The following NCAPD3 variants were observed in gnomAD, a reference collection of about 807,000 sequenced individuals.
NCAPD3 encodes non-SMC condensin II complex subunit D3.
In NCAPD3, 105 loss-of-function variants were observed where a neutral mutation model predicts 182.9. The ratio of observed to expected loss-of-function variants is 0.57; its 90% CI spans 0.49 to 0.68. The LOEUF (loss-of-function observed/expected upper bound fraction) is 0.68, where lower values mean the gene tolerates loss of function less well. Among genes scored for constraint, NCAPD3 ranks in the 30% least tolerant of loss-of-function variants. The pLI is 0.00. For missense variants in NCAPD3, 1,944 were observed against 1,837.0 expected (o/e 1.06, Z -1.07); for synonymous variants, 815 against 679.9 (o/e 1.20, Z -3.09).
At position 134,185,526 on chromosome 11, in the gene NCAPD3, G is replaced by C. The variant is rs1176047203; in HGVS notation, c.2046C>G (p.Ser682Arg). The change falls in exon 17 of 35, where the codon AGC (serine) becomes AGG (arginine). Residue 682 changes from serine (S) to arginine (R), a missense_variant and splice_region_variant. Transcript: ENST00000534548. ...TLLTTESQEL[S>R]RYLNKAFHIW... ...TATGAAAAGCCTTATTTAAATATCG[G>C]CTGGAAAAAAAAAAGATAGAAAAGC... The C allele has an allele frequency of 6.4e-7, 1 of 1,572,018 alleles. No individual in the cohort carries two copies. Among genetic ancestry groups the C allele is most frequent in the African/African-American group, 1.4e-5 (1 of 72,004 alleles).
rs960584649 is a variant in NCAPD3, at chr11:134,204,319, A to C, written c.1090-148T>G. The C allele has an allele frequency of 1.2e-6, 1 of 856,230 alleles. No individual in the cohort carries two copies. The highest frequency in any genetic ancestry group is 1.7e-6 in the Non-Finnish European group (1 of 580,382). 53.0% of individuals were successfully genotyped at this position (856,230 alleles called of 1,614,324 possible). A position where few individuals can be genotyped will look rare whatever the true frequency, so the allele number is the denominator to read the frequency against. On this transcript the variant is annotated intron_variant, in intron 9 of 34. Coordinates refer to ENST00000534548, the MANE Select transcript of NCAPD3 (RefSeq NM_015261.3). The surrounding 1 kb of genome is among the most constrained non-coding windows in gnomAD (Gnocchi z 4.3). ...AAATGACTAATAAATTTTAGGTTTT[A>C]GAACACTTCAAAACTAATCTAAAGG...
chr11:134,180,955 C>A, intron 20 of NCAPD3, 122 bp downstream of exon 20: 6 of 634,532 alleles, frequency 9.5e-6, no homozygotes, highest in Admixed American at 3.1e-5. Flanking sequence ...AGAAAGTAAG[C>A]TCTAGGCTAA....
At chr11:134,201,750 T>C (rs1025494623) in intron 13 of NCAPD3, among the ~76,000 whole-genome samples, 6 of 152,264 alleles carry the variant, frequency 3.9e-5, no homozygotes, top group Non-Finnish European at 8.8e-5. Flanking sequence ...ATCCGTAACC[T>C]GTTTAGACGA....
Position 134,220,523 on chromosome 11 carries a change from C to T in NCAPD3, c.219+49G>A, listed in dbSNP as rs138222594. The T allele has an allele frequency of 7.5e-5, 117 of 1,551,618 alleles. No homozygotes were observed. In the African/African-American group the frequency reaches 1.3e-3, roughly 17 times the overall value. On this transcript the variant is annotated intron_variant, in intron 2 of 34. Coordinates refer to ENST00000534548, the MANE Select transcript of NCAPD3 (RefSeq NM_015261.3). ...TTCAGATTATAATAATGACTTTCAT[C>T]TTCTACTTCTAACACCAAACTTTGG...
intron 24 of NCAPD3, 66 bp from the exon 25 acceptor site, chr11:134,169,120 C>A: frequency 1.3e-6 from 2 of 1,516,254 alleles, no homozygotes; most frequent in South Asian, 2.5e-5. Flanking sequence ...CTGAATACAC[C>A]AAGAACTCTG....
rs734009 is a variant in NCAPD3, at chr11:134,168,630, C to A, written c.3240-28G>T. The stretch of plus-strand genomic sequence containing the variant: ...GTGGCAGAACGGGACAAGTTCACTG[C>A]ATCACATGGGCACGGGTGTAAGGGA... On this transcript the variant is annotated intron_variant, in intron 25 of 34. Coordinates refer to ENST00000534548, the MANE Select transcript of NCAPD3 (RefSeq NM_015261.3). 50 of 1,613,358 alleles carry A rather than the reference C, an allele frequency of 3.1e-5. 1 individual carries two copies. In the Admixed American group the frequency reaches 7.3e-4, roughly 24 times the overall value.
chr11:134,198,642 G>T (rs1394706902), intron 13 of NCAPD3, among the ~76,000 whole-genome samples: 1 of 152,208 alleles, frequency 6.6e-6, no homozygotes, highest in Non-Finnish European at 1.5e-5. Flanking sequence ...AAGATATCCA[G>T]ATTGGAGAGG....
intron 25 of NCAPD3, 105 bp downstream of exon 25, chr11:134,168,812 G>T: frequency 1.4e-6 from 2 of 1,449,916 alleles, no homozygotes; most frequent in Middle Eastern, 2.1e-4. Flanking sequence ...TAAAGACCTG[G>T]GGCAGGGTCT....
At chr11:134,209,524 C>G in intron 4 of NCAPD3, 47 bp from the exon 5 acceptor site, 2 of 1,550,128 alleles carry the variant, frequency 1.3e-6, no homozygotes, top group Non-Finnish European at 1.8e-6. Flanking sequence ...ATGCCAAACA[C>G]TTTGTCCCAT....
At chr11:134,192,972 C>T (rs1944556028) in intron 15 of NCAPD3, 63 bp from the exon 16 acceptor site, 1 of 934,930 alleles carries the variant, frequency 1.1e-6, no homozygotes, top group Admixed American at 2.0e-5. Context: ...TTGTGATCAA[C>T]ATTTTGAGAT....
At position 134,184,627 on chromosome 11, in the gene NCAPD3, C is replaced by T; in HGVS notation, c.2451+10G>A. The T allele has an allele frequency of 6.3e-7, 1 of 1,579,800 alleles. No individual in the cohort carries two copies. The highest frequency in any genetic ancestry group is 8.6e-7 in the Non-Finnish European group (1 of 1,161,162). On this transcript the variant is annotated intron_variant, in intron 19 of 34. Coordinates refer to ENST00000534548, the MANE Select transcript of NCAPD3 (RefSeq NM_015261.3). ...AAGTCAGAAACATGTCAGGGAAAGT[C>T]TGGCCATACCTGCTCCTCTGCTGGT...
chr11:134,185,528 T>C lies in NCAPD3; in HGVS notation c.2046-2A>G. The stretch of plus-strand genomic sequence containing the variant: ...TGAAAAGCCTTATTTAAATATCGGC[T>C]GGAAAAAAAAAAGATAGAAAAGCAG... On this transcript the variant is annotated splice_acceptor_variant, in intron 16 of 34. Coordinates refer to ENST00000534548, the MANE Select transcript of NCAPD3 (RefSeq NM_015261.3). LOFTEE classifies it high-confidence loss of function. 2 of 1,569,518 alleles carry C rather than the reference T, an allele frequency of 1.3e-6. No individual in the cohort carries two copies. The highest frequency in any genetic ancestry group is 1.7e-6 in the Non-Finnish European group (2 of 1,160,550).
chr11:134,182,998 C>T (rs1944329314), intron 19 of NCAPD3: 1 of 416,702 alleles, frequency 2.4e-6, no homozygotes, highest in African/African-American at 2.1e-5. Context: ...CCGCTTCCAG[C>T]TCTCAGTGTC....
intron 32 of NCAPD3, among the ~76,000 whole-genome samples, chr11:134,155,494 T>C (rs540337610): frequency 6.6e-6 from 1 of 152,246 alleles, no homozygotes; most frequent in Admixed American, 6.5e-5. Flanking sequence ...GAACAAGTAC[T>C]CTACCAACTC....
At chr11:134,164,724 G>A (rs1056810384) in intron 27 of NCAPD3, among the ~76,000 whole-genome samples, 3 of 151,132 alleles carry the variant, frequency 2.0e-5, no homozygotes, top group Non-Finnish European at 2.9e-5. Flanking sequence ...ACTCACTTGC[G>A]ACATGAGTTT....
chr11:134,157,159 C>A, intron 31 of NCAPD3, 64 bp from the exon 32 acceptor site: 1 of 1,324,830 alleles, frequency 7.5e-7, no homozygotes, highest in South Asian at 1.3e-5. Flanking sequence ...GCAAAACAAC[C>A]ACATGAGAAA....
chr11:134,156,106 A>G (rs1943412694), intron 32 of NCAPD3, among the ~76,000 whole-genome samples: 1 of 152,186 alleles, frequency 6.6e-6, no homozygotes, highest in African/African-American at 2.4e-5. Context: ...TGCAGTCAGG[A>G]CTAGGAGACA....
intron 32 of NCAPD3, among the ~76,000 whole-genome samples, chr11:134,155,516 G>A (rs530964609): frequency 7.9e-5 from 12 of 152,290 alleles, no homozygotes; most frequent in Admixed American, 5.2e-4. Flanking sequence ...ATGACACCGG[G>A]CGCCTGATTT....
chr11:134,158,332 G>T lies in NCAPD3; in HGVS notation c.4031C>A (p.Ala1344Asp), dbSNP rs201978183. Reference sequence around the variant, plus strand: ...GTGGCCTCCAGGGGCTCTTTACCTGGCTTTGGGCAGCAACCTCTGCAATGG... The same window carrying T: ...GTGGCCTCCAGGGGCTCTTTACCTGTCTTTGGGCAGCAACCTCTGCAATGG... Reference protein sequence around the residue: ...TGPLQRLLPKARPMSLSTIAI... With the variant: ...TGPLQRLLPKDRPMSLSTIAI... Residue 1344 changes from alanine (A) to aspartate (D), a missense_variant, in exon 30 of 35, where the codon GCC (alanine) becomes GAC (aspartate). This residue lies in a region of NCAPD3 where 1,803 missense variants were observed against 1,674.6 expected (regional missense o/e 1.08). Transcript: ENST00000534548. 6.2e-7 allele frequency: 1 copy of T among 1,613,964 alleles called. No homozygotes were observed. Among genetic ancestry groups the T allele is most frequent in the African/African-American group, 1.3e-5 (1 of 74,908 alleles).
Sources: allele counts gnomAD v4.1 joint callset (sites outside exome capture counted in the v4.1 genomes callset), GRCh38; gene constraint gnomAD v4.1.1; regional missense constraint gnomAD v4.1.1; non-coding constraint Gnocchi (gnomAD v3.1); transcripts MANE v1.5; gene names NCBI Gene and HGNC (gene_info 2026-07-23, HGNC 2026-07-21).